Variants in FAM167A observed in about 807,000 individuals in gnomAD.
FAM167A encodes the protein family with sequence similarity 167 member A, also known as protein FAM167A.
In FAM167A, 23 loss-of-function variants were observed where a neutral mutation model predicts 14.9. The ratio of observed to expected loss-of-function variants is 1.55; its 90% CI spans 1.11 to 2.19. The LOEUF (loss-of-function observed/expected upper bound fraction) is 2.19. Ranked by LOEUF, FAM167A falls within the 30% of genes most tolerant of loss-of-function variation. The pLI is 0.00. For synonymous variants in FAM167A, 174 were observed against 117.7 expected, an observed-to-expected ratio of 1.48 and a Z score of -3.10; for missense variants, 401 against 281.5, an observed-to-expected ratio of 1.42 and a Z score of -3.04.
chr8:11,447,257 C>G (rs1806826118), intron 1 of FAM167A, among the ~76,000 whole-genome samples: 1 of 151,186 alleles, frequency 6.6e-6, no homozygotes, highest in African/African-American at 2.4e-5. Flanking sequence ...TCTTGGCTCA[C>G]TGCCACCTCC....
Position 11,421,563 on chromosome 8 carries a change from A to G in FAM167A, c.*2810T>C, listed in dbSNP as rs1178601472. 3 of 397,298 alleles carry G rather than the reference A, an allele frequency of 7.6e-6. No homozygotes were observed. Among genetic ancestry groups the G allele is most frequent in the Non-Finnish European group, 1.3e-5 (3 of 225,608 alleles). The allele number at this position is 397,298 out of a possible 1,614,324, so 24.6% of individuals were successfully genotyped here. On this transcript the variant is annotated 3_prime_UTR_variant, in exon 3 of 3. Transcript: ENST00000284486. Reference sequence around the variant, plus strand: ...ATAGAAACAAATAATCATAAAAAATAAAAGTATAAATCGTCCATTGATTAT... The same window carrying G: ...ATAGAAACAAATAATCATAAAAAATGAAAGTATAAATCGTCCATTGATTAT...
At chr8:11,433,251 G>A (rs1214257286) in intron 2 of FAM167A, among the ~76,000 whole-genome samples, 1 of 151,998 alleles carries the variant, frequency 6.6e-6, no homozygotes, top group Non-Finnish European at 1.5e-5. Flanking sequence ...TCCGACCATT[G>A]GAAGCACAAG....
chr8:11,440,517 G>A (rs939030755), intron 2 of FAM167A, among the ~76,000 whole-genome samples: 1 of 152,194 alleles, frequency 6.6e-6, no homozygotes, highest in Non-Finnish European at 1.5e-5. Context: ...GCAGGAGGCG[G>A]GAGCAGATTA....
At chr8:11,459,254 G>T (rs1024620628) in intron 1 of FAM167A, among the ~76,000 whole-genome samples, 6 of 152,084 alleles carry the variant, frequency 3.9e-5, no homozygotes, top group African/African-American at 1.4e-4. Context: ...TCTACTGCAG[G>T]CAAGGAAACC....
At chr8:11,458,268 C>G (rs1416829581) in intron 1 of FAM167A, among the ~76,000 whole-genome samples, 1 of 152,200 alleles carries the variant, frequency 6.6e-6, no homozygotes, top group African/African-American at 2.4e-5. Flanking sequence ...CAGCACCTCA[C>G]TCGACAGTCT....
chr8:11,465,661 C>T (rs1807734136), intron 1 of FAM167A, among the ~76,000 whole-genome samples: 1 of 152,230 alleles, frequency 6.6e-6, no homozygotes, highest in Non-Finnish European at 1.5e-5. Context: ...ACTTTGTCCA[C>T]GCTCTCCACG....
At chr8:11,464,614 C>G (rs759485080) in intron 1 of FAM167A, among the ~76,000 whole-genome samples, 1 of 152,232 alleles carries the variant, frequency 6.6e-6, no homozygotes, top group African/African-American at 2.4e-5. Flanking sequence ...GTGGCACGTG[C>G]GTGCTCTCCC....
In FAM167A at chr8:11,433,865, C is replaced by T. The variant is rs574762023; in HGVS notation, c.382-9229G>A. On this transcript the variant is annotated intron_variant, in intron 2 of 2. Transcript: ENST00000284486. The stretch of plus-strand genomic sequence containing the variant: ...GGGAATGAGACTCACAGTTCTTGAA[C>T]CCAGGAAACAATTTGTGTAATCTCT... 3 of 152,328 alleles carry T rather than the reference C, an allele frequency of 2.0e-5. No homozygotes were observed. In the East Asian group the frequency reaches 5.8e-4, roughly 29 times the overall value. 9.4% of individuals were successfully genotyped at this position (152,328 alleles called of 1,614,324 possible).
chr8:11,474,898 C>T (rs577649160), intron 1 of FAM167A, among the ~76,000 whole-genome samples: 12 of 149,736 alleles, frequency 8.0e-5, no homozygotes, highest in African/African-American at 2.0e-4. Context: ...ACAGCGAAGG[C>T]GACATGAAGG....
chr8:11,432,666 G>C (rs992026238), intron 2 of FAM167A, among the ~76,000 whole-genome samples: 6 of 152,202 alleles, frequency 3.9e-5, no homozygotes, highest in African/African-American at 1.4e-4. Context: ...GATTCCTCAA[G>C]GATGTAGAAC....
At chr8:11,449,527 G>C (rs1478662757) in intron 1 of FAM167A, among the ~76,000 whole-genome samples, 1 of 152,176 alleles carries the variant, frequency 6.6e-6, no homozygotes, top group Non-Finnish European at 1.5e-5. Context: ...TGTAACCTGG[G>C]TCGTTCCTAG....
intron 1 of FAM167A, among the ~76,000 whole-genome samples, chr8:11,451,960 C>T (rs867360195): frequency 1.3e-5 from 2 of 152,168 alleles, no homozygotes; most frequent in Non-Finnish European, 2.9e-5. Flanking sequence ...CAACCAAGAG[C>T]TGTAACTGAA....
At chr8:11,471,910 T>G (rs908075026), upstream of FAM167A, among the ~76,000 whole-genome samples, 1 of 152,114 alleles carries the variant, frequency 6.6e-6, no homozygotes, top group African/African-American at 2.4e-5. Context: ...GTGGGAAAAG[T>G]AAGAGGGGGG....
chr8:11,453,912 G>A (rs1333768726), intron 1 of FAM167A, among the ~76,000 whole-genome samples: 7 of 152,188 alleles, frequency 4.6e-5, no homozygotes, highest in South Asian at 2.1e-4. Flanking sequence ...CCTAAGGCCC[G>A]GGGCTCCTCA....
chr8:11,423,132 G>A lies in FAM167A; in HGVS notation c.*1241C>T, dbSNP rs1585219126. ...TCACTTTGCTCCTTTACTAATGAGAGGACTCGACTAGATGACACCAAAGGT... is the reference window on the plus strand; with the variant it reads ...TCACTTTGCTCCTTTACTAATGAGAAGACTCGACTAGATGACACCAAAGGT... On this transcript the variant is annotated 3_prime_UTR_variant, in exon 3 of 3. Transcript: ENST00000284486. 1 of 152,524 alleles carries A rather than the reference G, an allele frequency of 6.6e-6. No homozygotes were observed. Among genetic ancestry groups the A allele is most frequent in the African/African-American group, 2.4e-5 (1 of 41,534 alleles). 9.4% of individuals were successfully genotyped at this position (152,524 alleles called of 1,614,324 possible).
chr8:11,424,246 T>G lies in FAM167A; in HGVS notation c.*127A>C. 7.7e-7 allele frequency: 1 copy of G among 1,290,404 alleles called. No individual in the cohort carries two copies. Among genetic ancestry groups the G allele is most frequent in the Non-Finnish European group, 1.1e-6 (1 of 938,468 alleles). 79.9% of individuals were successfully genotyped at this position (1,290,404 alleles called of 1,614,324 possible). ...CACCACTGAATAGGTCCTGGGGCCC[T>G]TGAGTCGCCAGTCCCAGGGACCCCT... On this transcript the variant is annotated 3_prime_UTR_variant, in exon 3 of 3. Coordinates refer to ENST00000284486, the MANE Select transcript of FAM167A (RefSeq NM_053279.3).
In FAM167A at chr8:11,422,231, A is replaced by C. The variant is rs1325715737; in HGVS notation, c.*2142T>G. 1 of 166,418 alleles carries C rather than the reference A, an allele frequency of 6.0e-6. No individual in the cohort carries two copies. The highest frequency in any genetic ancestry group is 1.7e-4 in the East Asian group (1 of 5,978). 10.3% of individuals were successfully genotyped at this position (166,418 alleles called of 1,614,324 possible). On this transcript the variant is annotated 3_prime_UTR_variant, in exon 3 of 3. Transcript: ENST00000284486. ...AAATCTTTCCATTTTCGCTGAACCC[A>C]ATGGTTTCGGTTACTGTAATGACTG... is the stretch of plus-strand genomic sequence containing the variant.
At chr8:11,441,321 TC>T (rs774060090) in intron 2 of FAM167A, among the ~76,000 whole-genome samples, 8 of 152,174 alleles carry the variant, frequency 5.3e-5, no homozygotes, top group Non-Finnish European at 1.0e-4. Context: ...CTCCTTTCAT[TC>T]CCTGATACCC....
intron 2 of FAM167A, among the ~76,000 whole-genome samples, chr8:11,442,129 G>C (rs757886958): frequency 3.9e-5 from 6 of 152,134 alleles, no homozygotes; most frequent in Admixed American, 1.3e-4. Flanking sequence ...TATGGAGCCT[G>C]GCTCTACACA....
Sources: allele counts gnomAD v4.1 joint callset (sites outside exome capture counted in the v4.1 genomes callset), GRCh38; gene constraint gnomAD v4.1.1; transcripts MANE v1.5; gene names NCBI Gene and HGNC (gene_info 2026-07-23, HGNC 2026-07-21).